EML1: variants seen among roughly 807,000 people sequenced by gnomAD.
EML1 encodes EMAP like 1, also known as echinoderm microtubule-associated protein-like 1.
Under a neutral mutation model 110.4 loss-of-function variants are expected in EML1, and 27 were observed. That is an observed-to-expected ratio of 0.24 (90% CI 0.18 to 0.34). The LOEUF (loss-of-function observed/expected upper bound fraction) is 0.34, where lower values mean the gene tolerates loss of function less well. Among genes scored for constraint, EML1 ranks in the 10% least tolerant of loss-of-function variants. EML1 has a pLI of 1.00. For missense variants in EML1, 741 were observed against 1,030.9 expected, an observed-to-expected ratio of 0.72 and a Z score of 3.85; for synonymous variants, 344 against 385.8, an observed-to-expected ratio of 0.89 and a Z score of 1.27.
intron 3 of EML1, among the ~76,000 whole-genome samples, chr14:99,877,396 C>G (rs2059310546): frequency 6.6e-6 from 1 of 152,172 alleles, no homozygotes; most frequent in Admixed American, 6.5e-5. Context: ...AGCCTCCACT[C>G]CATACCTGGG....
intron 1 of EML1, among the ~76,000 whole-genome samples, chr14:99,746,322 G>A (rs2057107683): frequency 6.6e-6 from 1 of 152,154 alleles, no homozygotes; most frequent in Non-Finnish European, 1.5e-5. Context: ...TGGCTTGGGG[G>A]AAGGGCCTTT....
intron 17 of EML1, among the ~76,000 whole-genome samples, chr14:99,927,823 T>G (rs964416384): frequency 7.0e-4 from 23 of 32,846 alleles, no homozygotes; most frequent in Admixed American, 2.4e-3. Flanking sequence ...GGGGTGGTGG[T>G]GGTGGTGGTA....
intron 1 of EML1, among the ~76,000 whole-genome samples, chr14:99,826,391 G>A (rs1241551970): frequency 3.3e-5 from 5 of 152,156 alleles, no homozygotes; most frequent in Non-Finnish European, 7.4e-5. Flanking sequence ...GGGATTACAG[G>A]CGTGAGCCAC....
intron 1 of EML1, among the ~76,000 whole-genome samples, chr14:99,809,185 G>A (rs1044729580): frequency 6.6e-6 from 1 of 152,070 alleles, no homozygotes. Flanking sequence ...CCTGCACCTT[G>A]AAAATTGTTA....
At chr14:99,851,527 T>G (rs2058802203) in intron 2 of EML1, among the ~76,000 whole-genome samples, 1 of 152,090 alleles carries the variant, frequency 6.6e-6, no homozygotes, top group African/African-American at 2.4e-5. Flanking sequence ...CAGGATGGTC[T>G]CGATCTCCTG....
chr14:99,927,869 A>G (rs866262551), intron 17 of EML1, among the ~76,000 whole-genome samples: 11 of 1,276 alleles, frequency 8.6e-3, no homozygotes, highest in African/African-American at 0.033. Context: ...TAGTGGTAGT[A>G]GTGGTGGCGG....
upstream of EML1, chr14:99,793,332 G>T (rs2057703796): frequency 1.0e-6 from 1 of 983,138 alleles, no homozygotes; most frequent in South Asian, 4.5e-5. Context: ...CGGGCCCGGG[G>T]TTGCCATGGT....
intron 1 of EML1, among the ~76,000 whole-genome samples, chr14:99,762,514 T>C (rs552457884): frequency 3.9e-5 from 6 of 152,250 alleles, no homozygotes; most frequent in South Asian, 4.1e-4. Context: ...GATAAAGATA[T>C]CGACTGGGTG....
At chr14:99,895,335 C>G (rs770804740) in intron 6 of EML1, among the ~76,000 whole-genome samples, 2 of 152,066 alleles carry the variant, frequency 1.3e-5, no homozygotes, top group Non-Finnish European at 2.9e-5. Flanking sequence ...TCCCAAAGTG[C>G]TGGGATTATA....
intron 1 of EML1, among the ~76,000 whole-genome samples, chr14:99,742,238 C>A (rs1191613915): frequency 6.6e-6 from 1 of 152,176 alleles, no homozygotes; most frequent in African/African-American, 2.4e-5. Flanking sequence ...GGGCATGAGT[C>A]CCTGAGGAGC....
upstream of EML1, among the ~76,000 whole-genome samples, chr14:99,791,962 C>T (rs1442373292): frequency 6.6e-6 from 1 of 152,252 alleles, no homozygotes; most frequent in Non-Finnish European, 1.5e-5. Flanking sequence ...TCCACCAAGT[C>T]ACAGTCAAAC....
At position 99,923,652 on chromosome 14, in the gene EML1, T is replaced by TAAAG. The variant is rs2060176571; in HGVS notation, c.1909+2775_1909+2776insAAAG. 5.8e-5 allele frequency among the ~76,000 whole-genome samples: 3 copies of TAAAG among 52,086 alleles called. No homozygotes were observed. The African/African-American group carries it at 1.5e-3, about 25-fold the overall frequency. 34.2% of individuals were successfully genotyped at this position (52,086 alleles called of 152,430 possible). ...TACTCAGTTCTGCCCCCTTCACCTG[T>TAAAG]GTTTATCCCCGATTACTGTGACCTT... On this transcript the variant is annotated intron_variant, in intron 17 of 21. Transcript: ENST00000262233.
At chr14:99,881,565 T>TA (rs1781692543) in intron 4 of EML1, among the ~76,000 whole-genome samples, 2 of 152,098 alleles carry the variant, frequency 1.3e-5, no homozygotes, top group African/African-American at 4.8e-5. Flanking sequence ...TTAAAGTAAT[T>TA]ACATGTTTTG....
chr14:99,859,668 G>T (rs2058967393), intron 2 of EML1, among the ~76,000 whole-genome samples: 1 of 152,068 alleles, frequency 6.6e-6, no homozygotes, highest in Non-Finnish European at 1.5e-5. Context: ...CCCCCACTCT[G>T]CCTTGGTGTA....
At chr14:99,934,106 A>C (rs2060423873) in intron 17 of EML1, among the ~76,000 whole-genome samples, 1 of 151,488 alleles carries the variant, frequency 6.6e-6, no homozygotes, top group Admixed American at 6.6e-5. Flanking sequence ...AAAAAAAAAC[A>C]TATTGTCCAT....
intron 1 of EML1, among the ~76,000 whole-genome samples, chr14:99,817,349 T>C (rs2058185446): frequency 6.6e-6 from 1 of 152,212 alleles, no homozygotes; most frequent in Non-Finnish European, 1.5e-5. Flanking sequence ...AGACCTGTAC[T>C]CAAGGGTTGA....
rs1311562691 is a variant in EML1 at position 99,865,598 on chromosome 14, C to A, written c.335C>A (p.Pro112Gln). The change falls in exon 3 of 22, where the codon CCA becomes CAA. Residue 112 changes from proline (P) to glutamine (Q), a missense_variant. Pro to Gln is a moderately conservative substitution (Grantham distance 76, BLOSUM62 -1). Coordinates refer to ENST00000262233, the MANE Select transcript of EML1 (RefSeq NM_004434.3). ...CCAAAGAAACCTACTGGCTCTCTAC[C>A]ATCCCCCTCCGGGGTCAGGAAAGAA... ...VLPKKPTGSLPSPSGVRKETA... is the reference protein window; with the variant it reads ...VLPKKPTGSLQSPSGVRKETA... 1 of 1,614,216 alleles carries A rather than the reference C, an allele frequency of 6.2e-7. No individual in the cohort carries two copies. Among genetic ancestry groups the A allele is most frequent in the Non-Finnish European group, 8.5e-7 (1 of 1,180,028 alleles).
intron 16 of EML1, among the ~76,000 whole-genome samples, chr14:99,918,598 G>A (rs1173993292): frequency 6.6e-6 from 1 of 151,954 alleles, no homozygotes; most frequent in Non-Finnish European, 1.5e-5. Flanking sequence ...CAGGAAGATC[G>A]TTTGAGGCTA....
chr14:99,900,836 C>T (rs937996905), intron 8 of EML1, 93 bp from the exon 9 acceptor site: 8 of 1,061,870 alleles, frequency 7.5e-6, no homozygotes, highest in Middle Eastern at 4.2e-4. Flanking sequence ...TGACAAAGTC[C>T]GAGTTACTGC....
Sources: gnomAD v4.1 joint callset for allele counts (sites outside exome capture counted in the v4.1 genomes callset) on GRCh38, gnomAD v4.1.1 for gene constraint, MANE v1.5 for transcripts, NCBI Gene and HGNC (gene_info 2026-07-23, HGNC 2026-07-21) for gene names.